SEMA4A: variants seen among roughly 807,000 people sequenced by gnomAD.
The protein encoded by SEMA4A is semaphorin-4A.
In SEMA4A, 52 loss-of-function variants were observed where a neutral mutation model predicts 72.5. The ratio of observed to expected loss-of-function variants is 0.72; its 90% confidence interval spans 0.57 to 0.90. SEMA4A has a LOEUF of 0.90. SEMA4A is among the 40% of genes least tolerant of loss of function. The pLI, the probability that SEMA4A is intolerant of heterozygous loss-of-function variation, is 0.00. For missense variants in SEMA4A, 926 were observed against 959.7 expected (o/e 0.96, Z 0.46); for synonymous variants, 369 against 393.1 (o/e 0.94, Z 0.73).
chr1:156,171,123 G>A (rs930243832), intron 10 of SEMA4A, among the ~76,000 whole-genome samples: 1 of 152,144 alleles, frequency 6.6e-6, no homozygotes, highest in African/African-American at 2.4e-5. Context: ...GCTCATTCTG[G>A]CATCAAAATG....
intron 10 of SEMA4A, among the ~76,000 whole-genome samples, chr1:156,163,720 CAAAAAAAAAA>C (rs34408918): frequency 3.0e-3 from 53 of 17,780 alleles, no homozygotes; most frequent in African/African-American, 5.6e-3. Flanking sequence ...GACTCAGTCT[CAAAAAAAAAA>C]AAAAAAAAAA....
At chr1:156,147,887 G>C (rs1328501657), upstream of SEMA4A, among the ~76,000 whole-genome samples, 1 of 152,186 alleles carries the variant, frequency 6.6e-6, no homozygotes, top group Non-Finnish European at 1.5e-5. Context: ...AGGAGGTCTG[G>C]GTGTCCAGCT....
chr1:156,171,254 G>A (rs1454032417), intron 10 of SEMA4A, among the ~76,000 whole-genome samples: 3 of 152,136 alleles, frequency 2.0e-5, no homozygotes, highest in Non-Finnish European at 4.4e-5. Flanking sequence ...CAGTGCTCTT[G>A]GAGAACAAGG....
intron 10 of SEMA4A, among the ~76,000 whole-genome samples, chr1:156,164,649 G>A (rs2102973580): frequency 6.6e-6 from 1 of 152,208 alleles, no homozygotes; most frequent in Non-Finnish European, 1.5e-5. Context: ...ATTTTGGTTA[G>A]ATCAATATTT....
chr1:156,175,012 T>G (rs1326801385), intron 12 of SEMA4A, 72 bp downstream of exon 12: 1 of 1,613,826 alleles, frequency 6.2e-7, no homozygotes, highest in Non-Finnish European at 8.5e-7. Flanking sequence ...GCTGGCTCCC[T>G]GGGCCTGCAC....
upstream of SEMA4A, among the ~76,000 whole-genome samples, chr1:156,152,254 G>T (rs181225057): frequency 1.1e-3 from 164 of 152,330 alleles, no homozygotes; most frequent in African/African-American, 3.6e-3. Flanking sequence ...GACGTCCGGA[G>T]TTGGGAGAAT....
upstream of SEMA4A, among the ~76,000 whole-genome samples, chr1:156,147,827 T>A (rs1377888421): frequency 6.6e-6 from 1 of 152,064 alleles, no homozygotes; most frequent in African/African-American, 2.4e-5. Context: ...AAATGGAGAT[T>A]AGCTTGTGGA....
At chr1:156,160,400 C>T (rs1653475627) in intron 6 of SEMA4A, 43 bp from the exon 7 acceptor site, 1 of 1,491,096 alleles carries the variant, frequency 6.7e-7, no homozygotes, top group Admixed American at 1.7e-5. Flanking sequence ...GCAGAGGAAC[C>T]CTCCACCCCA....
intron 11 of SEMA4A, among the ~76,000 whole-genome samples, chr1:156,174,299 A>AG (rs1376119895): frequency 6.6e-6 from 1 of 152,248 alleles, no homozygotes; most frequent in Non-Finnish European, 1.5e-5. Flanking sequence ...GGTATACAGC[A>AG]GAGAACAAAA....
intron 8 of SEMA4A, 116 bp from the exon 9 acceptor site, chr1:156,161,230 C>T: frequency 5.8e-6 from 3 of 517,644 alleles, no homozygotes; most frequent in Non-Finnish European, 8.4e-6. Flanking sequence ...GGGGTGGGGA[C>T]ACGCGGGGCT....
At chr1:156,162,857 T>C (rs2102966313) in intron 9 of SEMA4A, 87 bp from the exon 10 acceptor site, 1 of 1,561,582 alleles carries the variant, frequency 6.4e-7, no homozygotes, top group East Asian at 2.2e-5. Context: ...TCTTGCCTCC[T>C]GGGTTTTCTC....
Position 156,174,960 on chromosome 1 carries a change from T to C in SEMA4A, c.1434+20T>C. ...ACCCAGGTGGGAAGGGACCTGACCATCAAATGGCCTTCCAGTGGGGCTGGC... is the reference window on the plus strand; with the variant it reads ...ACCCAGGTGGGAAGGGACCTGACCACCAAATGGCCTTCCAGTGGGGCTGGC... On this transcript the variant is annotated intron_variant, in intron 12 of 14. Transcript: ENST00000368285. The C allele has an allele frequency of 1.9e-6, 3 of 1,614,212 alleles. No homozygotes were observed. Among genetic ancestry groups the C allele is most frequent in the Non-Finnish European group, 2.5e-6 (3 of 1,180,022 alleles).
Position 156,175,084 on chromosome 1 carries a change from A to G in SEMA4A, c.1435-2A>G. On this transcript the variant is annotated splice_acceptor_variant, in intron 12 of 14. Transcript: ENST00000368285. LOFTEE classifies it high-confidence loss of function. ...CCCTGACAATCTCCATCTCTCTTCC[A>G]GGGTGCAGTGTTTGTAGGCTTCTCA... 6.2e-7 allele frequency: 1 copy of G among 1,614,132 alleles called. No individual in the cohort carries two copies. The highest frequency in any genetic ancestry group is 8.5e-7 in the Non-Finnish European group (1 of 1,180,010).
In SEMA4A at chr1:156,177,485, C is replaced by T. The variant is rs909857123; in HGVS notation, c.*488C>T. 9 of 234,750 alleles carry T rather than the reference C, an allele frequency of 3.8e-5. No individual in the cohort carries two copies. The highest frequency in any genetic ancestry group is 6.9e-5 in the Non-Finnish European group (8 of 116,728). The allele number at this position is 234,750 out of a possible 1,614,324, so 14.5% of individuals were successfully genotyped here. On this transcript the variant is annotated 3_prime_UTR_variant, in exon 15 of 15. Transcript: ENST00000368285. ...TCCCAGGGTCATGCAGGGATCTGCT[C>T]CCTCCTGCTTCCCTTACCAGTCGTG...
At position 156,176,644 on chromosome 1, in the gene SEMA4A, C is replaced by T; in HGVS notation, c.1933C>T (p.Gln645Ter). The T allele has an allele frequency of 6.2e-7, 1 of 1,614,206 alleles. No individual in the cohort carries two copies. Among genetic ancestry groups the T allele is most frequent in the Non-Finnish European group, 8.5e-7 (1 of 1,180,036 alleles). ...VISYWVDSQD[Q>*]TLALDPELAG... ...CTCCTACTGGGTGGACAGCCAGGACCAGACCCTGGCCCTGGATCCTGAACT... is the reference window on the plus strand; with the variant it reads ...CTCCTACTGGGTGGACAGCCAGGACTAGACCCTGGCCCTGGATCCTGAACT... The change falls in exon 15 of 15, where the codon CAG (glutamine) becomes TAG (stop). Residue 645 changes from glutamine to a stop codon, truncating the protein, a stop_gained. Transcript: ENST00000368285. LOFTEE classifies it high-confidence loss of function.
At chr1:156,154,386 A>G in intron 1 of SEMA4A, 164 bp from the exon 2 acceptor site, 1 of 634,488 alleles carries the variant, frequency 1.6e-6, no homozygotes, top group Non-Finnish European at 2.8e-6. Context: ...GATGAAAGTG[A>G]GACCGTCTTA....
At chr1:156,164,609 C>T (rs1239204377) in intron 10 of SEMA4A, among the ~76,000 whole-genome samples, 1 of 152,108 alleles carries the variant, frequency 6.6e-6, no homozygotes, top group Admixed American at 6.5e-5. Flanking sequence ...ACTGCACCCA[C>T]CCCCAATCTC....
intron 10 of SEMA4A, among the ~76,000 whole-genome samples, chr1:156,169,555 G>GA (rs570239275): frequency 1.3e-4 from 19 of 150,356 alleles, no homozygotes; most frequent in Non-Finnish European, 2.4e-4. Flanking sequence ...GAGTAGCTGG[G>GA]ACTACAGGCG....
At chr1:156,168,138 G>C (rs1654355664) in intron 10 of SEMA4A, among the ~76,000 whole-genome samples, 2 of 152,072 alleles carry the variant, frequency 1.3e-5, no homozygotes, top group South Asian at 4.1e-4. Flanking sequence ...TGGCCAGGCT[G>C]ATCTTGAACT....
Sources: allele counts gnomAD v4.1 joint callset (sites outside exome capture counted in the v4.1 genomes callset), GRCh38; gene constraint gnomAD v4.1.1; transcripts MANE v1.5; gene names NCBI Gene and HGNC (gene_info 2026-07-23, HGNC 2026-07-21).